BAHCC1: variants seen among roughly 807,000 people sequenced by gnomAD.
BAHCC1 encodes BAH and coiled-coil domain-containing protein 1.
In BAHCC1, 43 loss-of-function variants were observed where a neutral mutation model predicts 88.2. The ratio of observed to expected loss-of-function variants is 0.49; its 90% CI spans 0.38 to 0.63. The LOEUF (loss-of-function observed/expected upper bound fraction) is 0.63, where lower values mean the gene tolerates loss of function less well. BAHCC1 is among the 20% of genes least tolerant of loss of function. BAHCC1 has a pLI of 0.00. For missense variants in BAHCC1, 3,023 were observed against 1,654.8 expected (o/e 1.83, Z -14.34); for synonymous variants, 1,510 against 745.5 (o/e 2.03, Z -16.71).
chr17:81,426,145 G>C (rs2064194673), intron 2 of BAHCC1, among the ~76,000 whole-genome samples: 28 of 150,704 alleles, frequency 1.9e-4, no homozygotes, highest in South Asian at 8.5e-4. Context: ...TGGTGATAGT[G>C]GTGGGTGATG....
chr17:81,402,756 C>T (rs1397384760), intron 2 of BAHCC1: 4 of 152,322 alleles, frequency 2.6e-5, no homozygotes, highest in African/African-American at 9.6e-5. Context: ...GAGGCTGTTC[C>T]TGCTGGCTGC....
intron 3 of BAHCC1, among the ~76,000 whole-genome samples, chr17:81,432,695 C>T (rs1598477822): frequency 1.3e-5 from 1 of 77,672 alleles, no homozygotes; most frequent in African/African-American, 6.1e-5. Flanking sequence ...CCACCCTCCC[C>T]CGCATCCCCA....
intron 2 of BAHCC1, among the ~76,000 whole-genome samples, chr17:81,413,416 C>T (rs1555648159): frequency 6.6e-6 from 1 of 152,156 alleles, no homozygotes; most frequent in African/African-American, 2.4e-5. Flanking sequence ...TGGCCCTGTT[C>T]GTCCCTCACC....
chr17:81,407,330 T>C (rs1555647074), intron 2 of BAHCC1: 4 of 519,836 alleles, frequency 7.7e-6, no homozygotes, highest in Admixed American at 1.9e-5. Context: ...GCCTTAGCCA[T>C]ATTAAGTAAG....
At chr17:81,462,637 GA>G (rs2030402424) in intron 26 of BAHCC1, 102 bp from the exon 27 acceptor site, 1 of 651,140 alleles carries the variant, frequency 1.5e-6, no homozygotes, top group Admixed American at 2.5e-5. Context: ...CTCACACTCA[GA>G]CTCACACTCA....
chr17:81,452,713 CG>C lies in BAHCC1; in HGVS notation c.4317-8del. 1 of 743,096 alleles carries C rather than the reference CG, an allele frequency of 1.3e-6. No homozygotes were observed. Among genetic ancestry groups the C allele is most frequent in the Admixed American group, 1.9e-5 (1 of 52,664 alleles). The allele number at this position is 743,096 out of a possible 1,614,324, so 46.0% of individuals were successfully genotyped here. On this transcript the variant is annotated splice_polypyrimidine_tract_variant and intron_variant, in intron 13 of 27. Transcript: ENST00000675386. ...CATGAGCCTCTGACCATCCCCCCTG[CG>C]GCCCCCAGGAGAGACGAGAGTTCAC...
At position 81,424,917 on chromosome 17, in the gene BAHCC1, G is replaced by A. The variant is rs573098620; in HGVS notation, c.179-1883G>A. On this transcript the variant is annotated intron_variant, in intron 2 of 27. Transcript: ENST00000675386. ...TAATGTGGTTGGTGGTGATGTGGTT[G>A]GTGTGATGTGGTTGGTGCTGATAGT... is the stretch of plus-strand genomic sequence containing the variant. Among the ~76,000 whole-genome samples, 461 of 151,424 alleles carry A rather than the reference G, an allele frequency of 3.0e-3. 3 individuals are homozygous for A. The highest frequency in any genetic ancestry group is 0.011 in the African/African-American group (441 of 41,210).
Position 81,451,957 on chromosome 17 carries a change from G to GCCCCCCCCCACCAGGTGTGC in BAHCC1, c.4180-6_4180-5insCACCAGGTGTGCCCCCCCCC. 3.3e-6 allele frequency: 2 copies of GCCCCCCCCCACCAGGTGTGC among 615,020 alleles called. No homozygotes were observed. The highest frequency in any genetic ancestry group is 2.9e-6 in the Non-Finnish European group (1 of 342,528). 38.1% of individuals were successfully genotyped at this position (615,020 alleles called of 1,614,324 possible). A position where few individuals can be genotyped will look rare whatever the true frequency, so the allele number is the denominator to read the frequency against. Reference sequence around the variant, plus strand: ...CCTGGCCCGGCTCACAGGCCCCTGTGCCCCCCCCACCAGGTGTGCCCCCTG... The same window carrying GCCCCCCCCCACCAGGTGTGC: ...CCTGGCCCGGCTCACAGGCCCCTGTGCCCCCCCCCACCAGGTGTGCCCCCCCCCACCAGGTGTGCCCCCTG... On this transcript the variant is annotated splice_polypyrimidine_tract_variant and intron_variant, in intron 12 of 27. Transcript: ENST00000675386.
intron 23 of BAHCC1, among the ~76,000 whole-genome samples, chr17:81,460,036 G>A (rs535884133): frequency 1.9e-4 from 29 of 152,312 alleles, no homozygotes; most frequent in African/African-American, 3.1e-4. Context: ...GCGTCAGCAC[G>A]TGTGGGGAGG....
chr17:81,413,463 A>C, intron 2 of BAHCC1, among the ~76,000 whole-genome samples: 1 of 146,178 alleles, frequency 6.8e-6, no homozygotes, highest in South Asian at 2.2e-4. Context: ...CCCACACCAC[A>C]CCACCGCCTC....
chr17:81,450,856 C>G (rs2064619786), intron 11 of BAHCC1, among the ~76,000 whole-genome samples: 1 of 152,140 alleles, frequency 6.6e-6, no homozygotes, highest in Non-Finnish European at 1.5e-5. Flanking sequence ...TGCAGTGAGC[C>G]GTGATGGAGC....
At chr17:81,432,432 G>A (rs2064270947) in intron 3 of BAHCC1, among the ~76,000 whole-genome samples, 1 of 151,670 alleles carries the variant, frequency 6.6e-6, no homozygotes, top group African/African-American at 2.4e-5. Flanking sequence ...CAGGGTGCCG[G>A]CGAAGGTTTT....
At chr17:81,404,689 A>T (rs1244964615) in intron 2 of BAHCC1, among the ~76,000 whole-genome samples, 1 of 152,248 alleles carries the variant, frequency 6.6e-6, no homozygotes, top group African/African-American at 2.4e-5. Context: ...CAGCAAGTTG[A>T]TAGGATGTTC....
Position 81,458,160 on chromosome 17 carries a change from C to T in BAHCC1, c.5042-5C>T, listed in dbSNP as rs781964810. On this transcript the variant is annotated splice_polypyrimidine_tract_variant and splice_region_variant and intron_variant, in intron 17 of 27. Transcript: ENST00000675386. ...CCCTGTGACGGCCTCCTCTCCTTCCCACAGGGGCCTGCCGCCTGTCCAGCC... is the reference window on the plus strand; with the variant it reads ...CCCTGTGACGGCCTCCTCTCCTTCCTACAGGGGCCTGCCGCCTGTCCAGCC... The T allele has an allele frequency of 1.1e-5, 8 of 717,166 alleles. No individual in the cohort carries two copies. The Admixed American group carries it at 1.4e-4, about 13-fold the overall frequency. The allele number at this position is 717,166 out of a possible 1,614,324, so 44.4% of individuals were successfully genotyped here.
intron 3 of BAHCC1, among the ~76,000 whole-genome samples, chr17:81,427,338 G>C (rs953956153): frequency 3.3e-5 from 5 of 152,186 alleles, no homozygotes; most frequent in African/African-American, 1.2e-4. Flanking sequence ...CACCTCCCCA[G>C]ACGCTAGGAG....
chr17:81,427,793 G>A (rs933645301), intron 3 of BAHCC1, among the ~76,000 whole-genome samples: 33 of 152,180 alleles, frequency 2.2e-4, no homozygotes, highest in African/African-American at 7.5e-4. Flanking sequence ...AGGGCTCTCC[G>A]CTCCTGGCAC....
chr17:81,401,169 A>G (rs2063811760), intron 2 of BAHCC1: 2 of 152,340 alleles, frequency 1.3e-5, no homozygotes, highest in Non-Finnish European at 2.9e-5. Context: ...AAGGGAGGGC[A>G]CTCAAAGAAA....
intron 23 of BAHCC1, among the ~76,000 whole-genome samples, chr17:81,459,956 C>T (rs768871755): frequency 5.9e-5 from 9 of 152,158 alleles, no homozygotes; most frequent in Non-Finnish European, 1.0e-4. Flanking sequence ...GCTCAAGGGT[C>T]CCACAGGCAA....
intron 26 of BAHCC1, 40 bp downstream of exon 26, chr17:81,462,086 A>C (rs2030347737): frequency 1.4e-6 from 1 of 703,192 alleles, no homozygotes; most frequent in Non-Finnish European, 2.6e-6. Flanking sequence ...CTGGTTCCCA[A>C]GGAAACCGGG....
Sources: allele counts gnomAD v4.1 joint callset (sites outside exome capture counted in the v4.1 genomes callset), GRCh38; gene constraint gnomAD v4.1.1; transcripts MANE v1.5; gene names NCBI Gene and HGNC (gene_info 2026-07-23, HGNC 2026-07-21).